TOM1L1: variants seen among roughly 807,000 people sequenced by gnomAD.
TOM1L1 encodes the protein TOM1-like protein 1.
A neutral mutation model predicts 63.4 loss-of-function variants in TOM1L1; 64 were observed. The ratio of observed to expected loss-of-function variants is 1.01; its 90% CI spans 0.83 to 1.24. The LOEUF (loss-of-function observed/expected upper bound fraction) is 1.24. TOM1L1 is among the 50% of genes most tolerant of loss of function. The pLI, the probability that TOM1L1 is intolerant of heterozygous loss-of-function variation, is 0.00. For missense variants in TOM1L1, 536 were observed against 567.0 expected (o/e 0.95, Z 0.55); for synonymous variants, 166 against 194.4 (o/e 0.85, Z 1.22).
Position 54,936,776 on chromosome 17 carries a change from C to T in TOM1L1, c.915+67C>T, listed in dbSNP as rs190964016. The stretch of plus-strand genomic sequence containing the variant: ...TTGCCAATTACAGTGAGAAGCAAGG[C>T]TTACCTAAAACAAGTCTTAAAAAGA... On this transcript the variant is annotated intron_variant, in intron 9 of 15. Transcript: ENST00000575882. 1.0e-3 allele frequency: 1,411 copies of T among 1,395,780 alleles called. 16 individuals carry two copies. The African/African-American group carries it at 0.018, about 18-fold the overall frequency. 86.5% of individuals were successfully genotyped at this position (1,395,780 alleles called of 1,614,324 possible).
At chr17:54,929,803 C>T (rs1172622812) in intron 7 of TOM1L1, among the ~76,000 whole-genome samples, 1 of 150,600 alleles carries the variant, frequency 6.6e-6, no homozygotes, top group African/African-American at 2.4e-5. Context: ...AATTCCCATA[C>T]AACACTTCTG....
At chr17:54,957,910 T>C (rs1352563873) in intron 14 of TOM1L1, 3 of 152,238 alleles carry the variant, frequency 2.0e-5, no homozygotes, top group Non-Finnish European at 4.4e-5. Context: ...AACCACCAAA[T>C]ACATGTTTAC....
intron 11 of TOM1L1, among the ~76,000 whole-genome samples, chr17:54,940,102 C>T (rs149458153): frequency 7.4e-4 from 112 of 152,252 alleles, no homozygotes; most frequent in African/African-American, 2.6e-3. Context: ...TGCCGTGTTG[C>T]CCAGGCTGGT....
chr17:54,912,898 C>A (rs1598009269), intron 4 of TOM1L1, 83 bp downstream of exon 4: 1 of 1,214,684 alleles, frequency 8.2e-7, no homozygotes, highest in Non-Finnish European at 1.1e-6. Context: ...TTTCACTTAT[C>A]TTTTATATAT....
chr17:54,949,203 A>T lies in TOM1L1; in HGVS notation c.1183-315A>T, dbSNP rs371940927. Among the ~76,000 whole-genome samples, 59 of 122,248 alleles carry T rather than the reference A, an allele frequency of 4.8e-4. 1 individual carries two copies. The highest frequency in any genetic ancestry group is 6.0e-4 in the African/African-American group (19 of 31,472). The allele number at this position is 122,248 out of a possible 152,430, so 80.2% of individuals were successfully genotyped here. Reference sequence around the variant, plus strand: ...CAGGTGTGAGCCACCATGCCCAGCTATTTTTTTTTTTTTTTTGTAGAGTTG... The same window carrying T: ...CAGGTGTGAGCCACCATGCCCAGCTTTTTTTTTTTTTTTTTTGTAGAGTTG... On this transcript the variant is annotated intron_variant, in intron 12 of 15. Coordinates refer to ENST00000575882, the MANE Select transcript of TOM1L1 (RefSeq NM_005486.3).
chr17:54,959,028 GTTTCCAT>G (rs2077037460), intron 14 of TOM1L1, among the ~76,000 whole-genome samples: 1 of 152,172 alleles, frequency 6.6e-6, no homozygotes, highest in Non-Finnish European at 1.5e-5. Context: ...AAATGAGGAA[GTTTCCAT>G]ATCAAGACAT....
chr17:54,930,165 G>T lies in TOM1L1; in HGVS notation c.813G>T (p.Gln271His). 1 of 1,614,084 alleles carries T rather than the reference G, an allele frequency of 6.2e-7. No homozygotes were observed. Among genetic ancestry groups the T allele is most frequent in the Non-Finnish European group, 8.5e-7 (1 of 1,180,002 alleles). The change falls in exon 8 of 16, where the codon CAG becomes CAT. Residue 271 changes from glutamine to histidine, a missense_variant. Physicochemically the swap from Gln to His is conservative, Grantham distance 24 (BLOSUM62 0). Transcript: ENST00000575882. ...ENEDVTVELI[Q>H]VNEDLNNAIL... Reference sequence around the variant, plus strand: ...AAGATGTAACTGTTGAGCTAATTCAGGTGAATGAGGATTTGAATAATGCTA... The same window carrying T: ...AAGATGTAACTGTTGAGCTAATTCATGTGAATGAGGATTTGAATAATGCTA...
At chr17:54,906,881 G>C in intron 3 of TOM1L1, 1 of 894,352 alleles carries the variant, frequency 1.1e-6, no homozygotes, top group Non-Finnish European at 1.3e-6. Context: ...GCACGCCTTT[G>C]TTTATCTCAG....
At chr17:54,928,367 CA>C (rs58773256) in intron 7 of TOM1L1, among the ~76,000 whole-genome samples, 1 of 148,466 alleles carries the variant, frequency 6.7e-6, no homozygotes, top group South Asian at 2.2e-4. Flanking sequence ...GGAAAAAAAC[CA>C]AAAAAAAACA....
In TOM1L1 at chr17:54,961,421, C is replaced by T. The variant is rs2077122046; in HGVS notation, c.*188C>T. On this transcript the variant is annotated 3_prime_UTR_variant, in exon 16 of 16. Coordinates refer to ENST00000575882, the MANE Select transcript of TOM1L1 (RefSeq NM_005486.3). ...GGATAACACTGATTCCTGACAACAG[C>T]GTGAGATTTCAACAGAACTTGTTTG... is the stretch of plus-strand genomic sequence containing the variant. 22 of 1,521,010 alleles carry T rather than the reference C, an allele frequency of 1.4e-5. 1 individual carries two copies. Among genetic ancestry groups the T allele is most frequent in the Admixed American group, 4.4e-5 (2 of 45,246 alleles). The allele number at this position is 1,521,010 out of a possible 1,614,324, so 94.2% of individuals were successfully genotyped here.
At chr17:54,956,247 C>T (rs938531248) in intron 14 of TOM1L1, among the ~76,000 whole-genome samples, 2 of 152,194 alleles carry the variant, frequency 1.3e-5, no homozygotes, top group African/African-American at 4.8e-5. Context: ...CAGGTTGAAG[C>T]AGTCCTCCCT....
intron 7 of TOM1L1, among the ~76,000 whole-genome samples, chr17:54,923,692 C>A (rs1195136830): frequency 2.0e-5 from 3 of 151,912 alleles, no homozygotes; most frequent in African/African-American, 7.3e-5. Context: ...ACTATAGGTG[C>A]CTGCCACCAT....
At position 54,903,800 on chromosome 17, in the gene TOM1L1, C is replaced by T. The variant is rs994980156; in HGVS notation, c.143+8C>T. The T allele has an allele frequency of 1.9e-6, 3 of 1,611,190 alleles. No individual in the cohort carries two copies. Among genetic ancestry groups the T allele is most frequent in the East Asian group, 2.2e-5 (1 of 44,868 alleles). ...TAACACTACCCAGGATGGGTGAGTA[C>T]AGCATGGTTTCCATGTATTTGCCTC... On this transcript the variant is annotated splice_region_variant and intron_variant, in intron 2 of 15. Transcript: ENST00000575882.
chr17:54,930,582 G>C (rs1472994745), intron 8 of TOM1L1, among the ~76,000 whole-genome samples: 1 of 152,114 alleles, frequency 6.6e-6, no homozygotes, highest in African/African-American at 2.4e-5. Context: ...GCTCACACCT[G>C]TATCCCCAGC....
chr17:54,924,936 C>G (rs1396195431), intron 7 of TOM1L1, among the ~76,000 whole-genome samples: 1 of 152,160 alleles, frequency 6.6e-6, no homozygotes, highest in Non-Finnish European at 1.5e-5. Context: ...GCCCCTTTAT[C>G]ACATACGGTA....
intron 14 of TOM1L1, among the ~76,000 whole-genome samples, 170 bp downstream of exon 14, chr17:54,950,296 T>A (rs2049197336): frequency 6.6e-6 from 1 of 152,206 alleles, no homozygotes; most frequent in Non-Finnish European, 1.5e-5. Flanking sequence ...TTAATGGTCT[T>A]ATCGTTCCGG....
intron 8 of TOM1L1, among the ~76,000 whole-genome samples, chr17:54,935,507 A>G (rs2048930528): frequency 6.6e-6 from 1 of 152,104 alleles, no homozygotes; most frequent in African/African-American, 2.4e-5. Flanking sequence ...GTAATACTAT[A>G]TGTTTCTAAA....
intron 12 of TOM1L1, 95 bp downstream of exon 12, chr17:54,947,407 A>G (rs2049138495): frequency 1.4e-6 from 2 of 1,419,542 alleles, no homozygotes; most frequent in East Asian, 2.3e-5. Context: ...TGTTCTGCTC[A>G]GTATTGTGTT....
chr17:54,957,873 A>T (rs2076987950), intron 14 of TOM1L1: 1 of 152,240 alleles, frequency 6.6e-6, no homozygotes, highest in Non-Finnish European at 1.5e-5. Context: ...CAGAGGTTAA[A>T]CGTAGTATGG....
Sources: gnomAD v4.1 joint callset for allele counts (sites outside exome capture counted in the v4.1 genomes callset) on GRCh38, gnomAD v4.1.1 for gene constraint, MANE v1.5 for transcripts, NCBI Gene and HGNC (gene_info 2026-07-23, HGNC 2026-07-21) for gene names.